Variants in CACHD1 observed in about 807,000 individuals in gnomAD.
The protein encoded by CACHD1 is cache domain containing 1.
A neutral mutation model predicts 138.7 loss-of-function variants in CACHD1; 71 were observed. That is an observed-to-expected ratio of 0.51 (90% CI 0.42 to 0.62). The LOEUF (loss-of-function observed/expected upper bound fraction) is 0.62, where lower values mean the gene tolerates loss of function less well. Ranked by LOEUF, CACHD1 falls within the 20% of genes least tolerant of loss-of-function variation. CACHD1 has a pLI of 0.00. For missense variants in CACHD1, 1,389 were observed against 1,625.3 expected, an observed-to-expected ratio of 0.85 and a Z score of 2.50; for synonymous variants, 578 against 591.5, an observed-to-expected ratio of 0.98 and a Z score of 0.33.
intron 2 of CACHD1, among the ~76,000 whole-genome samples, chr1:64,581,813 AAC>A (rs768128788): frequency 6.6e-6 from 1 of 152,230 alleles, no homozygotes; most frequent in Non-Finnish European, 1.5e-5. Flanking sequence ...GTTGCTCTGT[AAC>A]ACACAATGCC....
At chr1:64,689,995 C>T (rs535951787) in intron 26 of CACHD1, among the ~76,000 whole-genome samples, 34 of 152,274 alleles carry the variant, frequency 2.2e-4, no homozygotes, top group Admixed American at 4.6e-4. Context: ...GGAAAGATGA[C>T]GTCTCTTATT....
chr1:64,604,873 G>A (rs1283013652), intron 4 of CACHD1, among the ~76,000 whole-genome samples: 2 of 151,796 alleles, frequency 1.3e-5, no homozygotes, highest in Non-Finnish European at 2.9e-5. Context: ...GGCTGGTCTC[G>A]AACTCCTAAC....
At chr1:64,674,434 C>A (rs1016879850) in intron 19 of CACHD1, among the ~76,000 whole-genome samples, 8 of 152,170 alleles carry the variant, frequency 5.3e-5, no homozygotes, top group Non-Finnish European at 4.4e-5. Context: ...CTTCAGCACA[C>A]AATGCCAGGA....
At chr1:64,682,195 C>T (rs920914276) in intron 26 of CACHD1, 89 bp downstream of exon 26, 4 of 1,185,290 alleles carry the variant, frequency 3.4e-6, no homozygotes, top group African/African-American at 1.5e-5. Context: ...ACATGGTTTT[C>T]CAAAAAGACA....
intron 4 of CACHD1, among the ~76,000 whole-genome samples, chr1:64,626,707 A>G (rs1199113039): frequency 2.0e-5 from 3 of 152,312 alleles, no homozygotes; most frequent in Admixed American, 6.5e-5. Flanking sequence ...AAAGTCCACC[A>G]TACTTTGTAG....
intron 14 of CACHD1, 180 bp from the exon 15 acceptor site, chr1:64,664,316 CTG>C (rs1453438402): frequency 1.5e-5 from 9 of 609,022 alleles, no homozygotes; most frequent in Middle Eastern, 4.3e-4. Flanking sequence ...CATCTGCTGA[CTG>C]TATTTCTGCA....
intron 4 of CACHD1, among the ~76,000 whole-genome samples, chr1:64,611,471 T>G (rs1234633227): frequency 6.6e-6 from 1 of 152,260 alleles, no homozygotes; most frequent in African/African-American, 2.4e-5. Flanking sequence ...AGGTCAACTC[T>G]TGAATGCATT....
intron 9 of CACHD1, among the ~76,000 whole-genome samples, chr1:64,650,501 T>C (rs1649054306): frequency 1.3e-5 from 2 of 152,210 alleles, no homozygotes; most frequent in African/African-American, 4.8e-5. Flanking sequence ...TTAAAACAGA[T>C]AGCATTCTAA....
At chr1:64,579,979 A>G (rs1646999002) in intron 2 of CACHD1, 1 of 152,676 alleles carries the variant, frequency 6.5e-6, no homozygotes, top group African/African-American at 2.4e-5. Context: ...GCAGGGCATT[A>G]TGAGAATATA....
Position 64,692,725 on chromosome 1 carries a change from A to T in CACHD1, c.*1164A>T, listed in dbSNP as rs149445122. ...TGCTTTGTGATTTATACAGGGATTAATCAAATCTGGCTACTATAACATGGG... is the reference window on the plus strand; with the variant it reads ...TGCTTTGTGATTTATACAGGGATTATTCAAATCTGGCTACTATAACATGGG... On this transcript the variant is annotated 3_prime_UTR_variant, in exon 27 of 27. Transcript: ENST00000651257. 458 of 152,304 alleles carry T rather than the reference A, an allele frequency of 3.0e-3. 2 individuals are homozygous for T. Among genetic ancestry groups the T allele is most frequent in the African/African-American group, 0.011 (445 of 41,564 alleles). The allele number at this position is 152,304 out of a possible 1,614,324, so 9.4% of individuals were successfully genotyped here. A position where few individuals can be genotyped will look rare whatever the true frequency, so the allele number is the denominator to read the frequency against.
intron 1 of CACHD1, among the ~76,000 whole-genome samples, chr1:64,506,951 A>G (rs1032281724): frequency 2.0e-5 from 3 of 152,160 alleles, no homozygotes; most frequent in Non-Finnish European, 4.4e-5. Context: ...TAGGAGCTGA[A>G]TTTGCTTTTC....
intron 8 of CACHD1, among the ~76,000 whole-genome samples, chr1:64,642,821 G>A (rs1648762511): frequency 6.8e-6 from 1 of 148,022 alleles, no homozygotes; most frequent in East Asian, 2.0e-4. Flanking sequence ...TCGGTGGGCT[G>A]ATCACGAGGT....
In CACHD1 at chr1:64,521,618, A is replaced by G. The variant is rs566837237; in HGVS notation, c.199-28976A>G. On this transcript the variant is annotated intron_variant, in intron 1 of 26. Coordinates refer to ENST00000651257, the MANE Select transcript of CACHD1 (RefSeq NM_020925.4). ...ATTTTGTTTATTCTTCAGCTAATGG[A>G]CATTGGATTGTTTCCACCTTTTGGC... Among the ~76,000 whole-genome samples the G allele has an allele frequency of 5.3e-4, 80 of 152,284 alleles. No homozygotes were observed. The South Asian group carries it at 0.013, about 24-fold the overall frequency.
chr1:64,679,433 C>T (rs1650095790), intron 23 of CACHD1, among the ~76,000 whole-genome samples, 162 bp from the exon 24 acceptor site: 1 of 152,202 alleles, frequency 6.6e-6, no homozygotes, highest in Non-Finnish European at 1.5e-5. Context: ...TCCGCTCCCA[C>T]GTTCCCATGC....
At chr1:64,629,103 C>A (rs550995226) in intron 4 of CACHD1, among the ~76,000 whole-genome samples, 1 of 152,330 alleles carries the variant, frequency 6.6e-6, no homozygotes, top group Admixed American at 6.5e-5. Flanking sequence ...ACTGGAAAAA[C>A]AATCCAAGAC....
At chr1:64,525,883 A>C (rs147392308) in intron 1 of CACHD1, among the ~76,000 whole-genome samples, 38 of 152,232 alleles carry the variant, frequency 2.5e-4, no homozygotes, top group African/African-American at 8.9e-4. Flanking sequence ...GAATGTAAGC[A>C]ACAATTTTTC....
At position 64,691,603 on chromosome 1, in the gene CACHD1, C is replaced by T. The variant is rs1242584708; in HGVS notation, c.*42C>T. The T allele has an allele frequency of 1.3e-6, 2 of 1,564,650 alleles. No homozygotes were observed. The highest frequency in any genetic ancestry group is 1.1e-5 in the South Asian group (1 of 89,920). On this transcript the variant is annotated 3_prime_UTR_variant, in exon 27 of 27. Coordinates refer to ENST00000651257, the MANE Select transcript of CACHD1 (RefSeq NM_020925.4). ...ACGCCAAGATGAGATCTGGGAGCTA[C>T]AGAATGTTCTGGAAAGAAAAAGAAC...
Position 64,658,775 on chromosome 1 carries a change from A to C in CACHD1, c.1853A>C (p.Asn618Thr). 6.2e-7 allele frequency: 1 copy of C among 1,609,770 alleles called. No individual in the cohort carries two copies. Residue 618 changes from asparagine to threonine, a missense_variant, in exon 13 of 27, where the codon AAC becomes ACC. This residue lies in a region of CACHD1 where 1,000 missense variants were observed against 1,114.7 expected (regional missense o/e 0.90). Transcript: ENST00000651257. ...QPEIPVKQLK[N>T]LNTVPSSKLL... is the part of the protein sequence containing the mutation. ...GAAATACCTGTGAAACAACTGAAGA[A>C]CCTCAACACTGTTCCCAGCAGCAAG...
chr1:64,637,362 G>C (rs377539135), intron 7 of CACHD1, among the ~76,000 whole-genome samples: 1 of 152,184 alleles, frequency 6.6e-6, no homozygotes, highest in South Asian at 2.1e-4. Flanking sequence ...CTGCTCCTCT[G>C]TTCAGTCCAT....
Sources: gnomAD v4.1 joint callset for allele counts (sites outside exome capture counted in the v4.1 genomes callset) on GRCh38, gnomAD v4.1.1 for gene constraint, gnomAD v4.1.1 regional missense constraint, MANE v1.5 for transcripts, NCBI Gene and HGNC (gene_info 2026-07-23, HGNC 2026-07-21) for gene names.